PIEZO1: variants seen among roughly 807,000 people sequenced by gnomAD.
PIEZO1 encodes piezo type mechanosensitive ion channel component 1 (Er blood group).
A neutral mutation model predicts 297.2 loss-of-function variants in PIEZO1; 296 were observed. That is an observed-to-expected ratio of 1.00 (90% CI 0.91 to 1.10). PIEZO1 has a LOEUF of 1.10. Ranked by LOEUF, PIEZO1 falls within the 50% of genes least tolerant of loss-of-function variation. PIEZO1 has a pLI of 0.00. For synonymous variants in PIEZO1, 2,427 were observed against 1,507.5 expected, an observed-to-expected ratio of 1.61 and a Z score of -14.13; for missense variants, 5,018 against 3,455.5, an observed-to-expected ratio of 1.45 and a Z score of -11.34.
At position 88,726,696 on chromosome 16, in the gene PIEZO1, G is replaced by A. The variant is rs759996825; in HGVS notation, c.3699+19C>T. ...AGCGGGGCCCCAGGGCGGTGGGTGC[G>A]GGGGGGCCGGAGGCTCACCGACAGC... is the stretch of plus-strand genomic sequence containing the variant. On this transcript the variant is annotated intron_variant, in intron 25 of 50. Transcript: ENST00000301015. The A allele has an allele frequency of 8.4e-6, 13 of 1,544,898 alleles. No individual in the cohort carries two copies. The highest frequency in any genetic ancestry group is 2.0e-5 in the Admixed American group (1 of 50,940).
rs367948324 is a variant in PIEZO1, at chr16:88,741,567, G to A, written c.376C>T (p.Leu126=). The stretch of plus-strand genomic sequence containing the variant: ...ACAGAGGAGACCACCAAGATGCCCA[G>A]GTCAGGGGCCACCAGCCGGATGGCG... The part of the protein sequence containing the change: ...PNAIRLVAPD[L]GILVVSSVCL... The change falls in exon 5 of 51, where the codon CTG becomes TTG. Residue 126 remains leucine (L), a synonymous_variant. Coordinates refer to ENST00000301015, the MANE Select transcript of PIEZO1 (RefSeq NM_001142864.4). 3 of 1,535,728 alleles carry A rather than the reference G, an allele frequency of 2.0e-6. No individual in the cohort carries two copies. Among genetic ancestry groups the A allele is most frequent in the Non-Finnish European group, 8.7e-7 (1 of 1,146,752 alleles).
At position 88,717,130 on chromosome 16, in the gene PIEZO1, C is replaced by A. The variant is rs376951269; in HGVS notation, c.6553G>T (p.Ala2185Ser). ...AAGAGCAGTGGGAACCAGATGATGG[C>A]GATGAGGAAGAGGATGATGAGGCCA... Reference protein sequence around the residue: ...MGGLIILFLIAIIWFPLLFMS... With the variant: ...MGGLIILFLISIIWFPLLFMS... The change falls in exon 45 of 51, where the codon GCC becomes TCC. Residue 2185 changes from alanine (A) to serine (S), a missense_variant. Coordinates refer to ENST00000301015, the MANE Select transcript of PIEZO1 (RefSeq NM_001142864.4). 1 of 1,551,340 alleles carries A rather than the reference C, an allele frequency of 6.4e-7. No homozygotes were observed. The highest frequency in any genetic ancestry group is 2.0e-5 in the Admixed American group (1 of 51,020).
At position 88,726,424 on chromosome 16, in the gene PIEZO1, G is replaced by A. The variant is rs1354866755; in HGVS notation, c.3828C>T (p.Cys1276=). ...PKEMMDRDQD[C]LLPVEEAGII... The stretch of plus-strand genomic sequence containing the variant: ...TGCCAGCCTCCTCCACAGGCAGCAG[G>A]CAGTCCTGGTCTCTGTCCATCATCT... Residue 1276 remains cysteine (C), a synonymous_variant, in exon 27 of 51, where the codon TGC becomes TGT. Transcript: ENST00000301015. 7.1e-6 allele frequency: 11 copies of A among 1,550,400 alleles called. No homozygotes were observed. The East Asian group carries it at 2.4e-4, about 34-fold the overall frequency.
chr16:88,738,692 C>A lies in PIEZO1; in HGVS notation c.510G>T (p.Leu170=). 1.1e-5 allele frequency: 17 copies of A among 1,534,234 alleles called. No individual in the cohort carries two copies. Among genetic ancestry groups the A allele is most frequent in the Non-Finnish European group, 1.5e-5 (17 of 1,145,570 alleles). The part of the protein sequence containing the change: ...RDVDASPTAG[L]QEAATLAPTR... Reference sequence around the variant, plus strand: ...TAGGGGCCAGCGTTGCTGCTTCCTGCAGCCCTGCCGTCGGGCTGGCATCCA... The same window carrying A: ...TAGGGGCCAGCGTTGCTGCTTCCTGAAGCCCTGCCGTCGGGCTGGCATCCA... Residue 170 remains leucine, a synonymous_variant, in exon 6 of 51, where the codon CTG becomes CTT. Coordinates refer to ENST00000301015, the MANE Select transcript of PIEZO1 (RefSeq NM_001142864.4).
rs774496760 is a variant in PIEZO1, at chr16:88,722,564, G to A, written c.4775+19C>T. 1.9e-5 allele frequency: 29 copies of A among 1,488,194 alleles called. No individual in the cohort carries two copies. Among genetic ancestry groups the A allele is most frequent in the African/African-American group, 5.6e-5 (4 of 71,164 alleles). 92.2% of individuals were successfully genotyped at this position (1,488,194 alleles called of 1,614,324 possible). The stretch of plus-strand genomic sequence containing the variant: ...ACACCAGGGGCAGCAGCTGGGGCTC[G>A]GGTCACCCCCGCACCTACCTGGACA... On this transcript the variant is annotated intron_variant, in intron 35 of 50. Transcript: ENST00000301015.
chr16:88,722,008 C>T lies in PIEZO1; in HGVS notation c.5014G>A (p.Ala1672Thr). 6.5e-7 allele frequency: 1 copy of T among 1,548,808 alleles called. No homozygotes were observed. Among genetic ancestry groups the T allele is most frequent in the Non-Finnish European group, 8.7e-7 (1 of 1,146,662 alleles). The change falls in exon 37 of 51, where the codon GCG becomes ACG. Residue 1672 changes from alanine to threonine, a missense_variant. Ala to Thr is a moderately conservative substitution (Grantham distance 58). Transcript: ENST00000301015. ...TACACGGCCCGCAGCAGCCGCAGCG[C>T]CCGGCCCTGCCCCTCCGCAAACAGC... is the stretch of plus-strand genomic sequence containing the variant. ...AELFAEGQGR[A>T]LRLLRAVYQC... is the part of the protein sequence containing the mutation.
rs748910792 is a variant in PIEZO1, at chr16:88,738,010, C to T, written c.944G>A (p.Ser315Asn). The T allele has an allele frequency of 2.6e-6, 4 of 1,535,216 alleles. No homozygotes were observed. The highest frequency in any genetic ancestry group is 3.9e-5 in the Admixed American group (2 of 50,948). ...GCACAGCAGCAGGAGGACGCCGGGG[C>T]TGGCATACACAGGCCAGTCCAGGCC... ...NTGLDWPVYA[S>N]PGVLLLLCYA... is the part of the protein sequence containing the mutation. The change falls in exon 8 of 51, where the codon AGC (serine) becomes AAC (asparagine). Residue 315 changes from serine (S) to asparagine (N), a missense_variant. By Grantham distance (46) the Ser-to-Asn change is conservative (BLOSUM62 1). Transcript: ENST00000301015.
chr16:88,719,087 G>C (rs974198728), intron 44 of PIEZO1: 2 of 161,428 alleles, frequency 1.2e-5, no homozygotes, highest in East Asian at 1.8e-4. Flanking sequence ...GCCTTGAGCA[G>C]TACCTCCCTC....
Position 88,720,230 on chromosome 16 carries a change from G to A in PIEZO1, c.6003C>T (p.Pro2001=), listed in dbSNP as rs192796334. The A allele has an allele frequency of 1.9e-5, 30 of 1,550,410 alleles. No individual in the cohort carries two copies. The highest frequency in any genetic ancestry group is 4.8e-5 in the South Asian group (4 of 84,066). Residue 2001 remains proline, a synonymous_variant, in exon 42 of 51, where the codon CCC becomes CCT. Coordinates refer to ENST00000301015, the MANE Select transcript of PIEZO1 (RefSeq NM_001142864.4). The part of the protein sequence containing the change: ...ITSSLSDDQV[P]EAFLVMLLIQ... ...TCAGCAGCATGACCAGGAAAGCCTC[G>A]GGTACCTGGTCGTCTGATAGGGAGG...
intron 22 of PIEZO1, chr16:88,731,168 C>G (rs1272762496): frequency 6.4e-6 from 1 of 155,642 alleles, no homozygotes; most frequent in Non-Finnish European, 1.4e-5. Flanking sequence ...GCGGCTTAGA[C>G]CCAAGACAAG....
At position 88,720,454 on chromosome 16, in the gene PIEZO1, G is replaced by A. The variant is rs1406039991; in HGVS notation, c.5880C>T (p.Val1960=). Residue 1960 remains valine, a synonymous_variant, in exon 41 of 51, where the codon GTC becomes GTT. Transcript: ENST00000301015. The stretch of plus-strand genomic sequence containing the variant: ...CATCAGCCAGGAACATGAGGGCATA[G>A]ACGTCGGTGGCTGCGCGGTACTTGG... ...LHTKYRAATD[V]YALMFLADVV... is the part of the protein sequence containing the mutation. 7.7e-6 allele frequency: 12 copies of A among 1,550,378 alleles called. No homozygotes were observed. Among genetic ancestry groups the A allele is most frequent in the South Asian group, 1.2e-5 (1 of 84,064 alleles).
Position 88,741,612 on chromosome 16 carries a change from C to T in PIEZO1, c.331G>A (p.Asp111Asn). 2.6e-6 allele frequency: 4 copies of T among 1,534,584 alleles called. No individual in the cohort carries two copies. Among genetic ancestry groups the T allele is most frequent in the Non-Finnish European group, 3.5e-6 (4 of 1,146,404 alleles). ...ATGGCGTTGGGGATGTCCTTCAGGT[C>T]CAGCCTGCGGAGAGCAGGGAGCAGC... ...LSRHIGVTRL[D>N]LKDIPNAIRL... The change falls in exon 5 of 51, where the codon GAC becomes AAC. Residue 111 changes from aspartate (D) to asparagine (N), a missense_variant. Coordinates refer to ENST00000301015, the MANE Select transcript of PIEZO1 (RefSeq NM_001142864.4).
Position 88,737,926 on chromosome 16 carries a change from G to A in PIEZO1, c.1020+8C>T, listed in dbSNP as rs1027946351. On this transcript the variant is annotated splice_region_variant and intron_variant, in intron 8 of 50. Transcript: ENST00000301015. ...TCAGCCCACCCACCATGGGTGGCAG[G>A]TGCTCACCTGGCCGGAGGGGCGGTA... 4 of 1,530,216 alleles carry A rather than the reference G, an allele frequency of 2.6e-6. No homozygotes were observed. In the African/African-American group the frequency reaches 4.1e-5, roughly 16 times the overall value. The allele number at this position is 1,530,216 out of a possible 1,614,324, so 94.8% of individuals were successfully genotyped here.
intron 22 of PIEZO1, chr16:88,731,409 G>C (rs1597454094): frequency 7.2e-6 from 3 of 414,044 alleles, no homozygotes; most frequent in Middle Eastern, 6.7e-4. Flanking sequence ...GGCCCGGAGA[G>C]GACGCAGTGC....
chr16:88,750,606 G>A (rs1906340162), intron 1 of PIEZO1, among the ~76,000 whole-genome samples: 1 of 152,200 alleles, frequency 6.6e-6, no homozygotes, highest in Non-Finnish European at 1.5e-5. Context: ...GGTCTCCCTG[G>A]CACTTGCACT....
At chr16:88,780,417 A>G (rs986969199) in intron 1 of PIEZO1, among the ~76,000 whole-genome samples, 1 of 152,152 alleles carries the variant, frequency 6.6e-6, no homozygotes, top group Non-Finnish European at 1.5e-5. Flanking sequence ...CCCACCTCAC[A>G]GTCACCCAGG....
Position 88,719,665 on chromosome 16 carries a change from G to C in PIEZO1, c.6380C>G (p.Thr2127Arg). The change falls in exon 44 of 51, where the codon ACG (threonine) becomes AGG (arginine). Residue 2127 changes from threonine (T) to arginine (R), a missense_variant. Physicochemically the swap from Thr to Arg is moderately conservative, Grantham distance 71 (BLOSUM62 -1). Coordinates refer to ENST00000301015, the MANE Select transcript of PIEZO1 (RefSeq NM_001142864.4). Reference protein sequence around the residue: ...ELRAVMDWVWTDTTLSLSSWM... With the variant: ...ELRAVMDWVWRDTTLSLSSWM... The stretch of plus-strand genomic sequence containing the variant: ...GCTGGACAGGGACAGCGTGGTGTCC[G>C]TCCACACCCAGTCCATCACTGCCCG... 1 of 1,553,844 alleles carries C rather than the reference G, an allele frequency of 6.4e-7. No homozygotes were observed. Among genetic ancestry groups the C allele is most frequent in the Non-Finnish European group, 8.7e-7 (1 of 1,148,876 alleles).
intron 1 of PIEZO1, among the ~76,000 whole-genome samples, chr16:88,760,724 C>T (rs1418564967): frequency 2.0e-5 from 3 of 152,202 alleles, no homozygotes; most frequent in Non-Finnish European, 4.4e-5. Flanking sequence ...CAGCAGCACC[C>T]AGGGGGCCCG....
At chr16:88,731,192 C>T (rs952045579) in intron 22 of PIEZO1, 1 of 162,852 alleles carries the variant, frequency 6.1e-6, no homozygotes, top group African/African-American at 2.4e-5. Flanking sequence ...CTAGAGCAAA[C>T]ATCAGACCAG....
Sources: gnomAD v4.1 joint callset for allele counts (sites outside exome capture counted in the v4.1 genomes callset) on GRCh38, gnomAD v4.1.1 for gene constraint, MANE v1.5 for transcripts, NCBI Gene and HGNC (gene_info 2026-07-23, HGNC 2026-07-21) for gene names.